The following ITGA2 variants were observed in gnomAD, a reference collection of about 807,000 sequenced individuals.
The protein encoded by ITGA2 is integrin subunit alpha 2, also known as integrin alpha-2.
In ITGA2, 101 loss-of-function variants were observed where a neutral mutation model predicts 146.3. That is an observed-to-expected ratio of 0.69 (90% CI 0.59 to 0.81). ITGA2 has a LOEUF of 0.81. Among genes scored for constraint, ITGA2 ranks in the 40% least tolerant of loss-of-function variants. The pLI, the probability that ITGA2 is intolerant of heterozygous loss-of-function variation, is 0.00. For synonymous variants in ITGA2, 477 were observed against 487.1 expected (o/e 0.98, Z 0.27); for missense variants, 1,281 against 1,402.7 (o/e 0.91, Z 1.39).
chr5:53,027,353 C>T (rs1215188673), intron 2 of ITGA2, among the ~76,000 whole-genome samples: 3 of 152,142 alleles, frequency 2.0e-5, no homozygotes, highest in Non-Finnish European at 4.4e-5. Flanking sequence ...GGTGAAGGGT[C>T]CTCACAAATA....
At chr5:53,069,438 A>G (rs1192534573) in intron 16 of ITGA2, among the ~76,000 whole-genome samples, 1 of 151,890 alleles carries the variant, frequency 6.6e-6, no homozygotes, top group Admixed American at 6.6e-5. Flanking sequence ...GCAGTGTTGC[A>G]TGCATTTCCC....
intron 1 of ITGA2, among the ~76,000 whole-genome samples, chr5:52,989,934 G>T (rs953141459): frequency 1.3e-5 from 2 of 152,092 alleles, no homozygotes; most frequent in African/African-American, 4.8e-5. Flanking sequence ...GCTCAGACAG[G>T]TGCCGCGCCT....
At chr5:53,000,893 TTTTG>T (rs1273114662) in intron 1 of ITGA2, among the ~76,000 whole-genome samples, 2 of 141,766 alleles carry the variant, frequency 1.4e-5, no homozygotes, top group East Asian at 2.1e-4. Context: ...TTCTTTTTCT[TTTTG>T]TTTTTTTTTT....
intron 3 of ITGA2, 121 bp from the exon 4 acceptor site, chr5:53,044,880 C>T (rs1035021574): frequency 2.8e-6 from 2 of 723,946 alleles, no homozygotes; most frequent in Non-Finnish European, 5.0e-6. Flanking sequence ...ACTCAAGTAC[C>T]TATATTGATG....
At chr5:53,009,515 A>G (rs939981815) in intron 1 of ITGA2, among the ~76,000 whole-genome samples, 1 of 152,292 alleles carries the variant, frequency 6.6e-6, no homozygotes, top group Admixed American at 6.5e-5. Context: ...GAACTTGGAT[A>G]TTTAGCTGAG....
chr5:53,064,943 G>A lies in ITGA2; in HGVS notation c.1634G>A (p.Gly545Asp). ...TTGGGTCAGCACCAATTTCTTGAAGGCCCCGAGGGCATTGAAAACACTCGA... is the reference window on the plus strand; with the variant it reads ...TTGGGTCAGCACCAATTTCTTGAAGACCCCGAGGGCATTGAAAACACTCGA... Reference protein sequence around the residue: ...GILGQHQFLEGPEGIENTRFG... With the variant: ...GILGQHQFLEDPEGIENTRFG... The change falls in exon 14 of 30, where the codon GGC becomes GAC. Residue 545 changes from glycine (G) to aspartate (D), a missense_variant. By Grantham distance (94) the Gly-to-Asp change is moderately conservative. Around this residue, in one of 3 missense-constraint regions of ITGA2, gnomAD observed 795 missense variants for 841.7 expected, o/e 0.94. Transcript: ENST00000296585. 2.5e-6 allele frequency: 4 copies of A among 1,612,736 alleles called. No individual in the cohort carries two copies. The South Asian group carries it at 4.4e-5, about 18-fold the overall frequency.
intron 1 of ITGA2, among the ~76,000 whole-genome samples, chr5:53,000,019 A>G (rs533601633): frequency 3.3e-5 from 5 of 151,794 alleles, no homozygotes; most frequent in African/African-American, 4.8e-5. Flanking sequence ...TTATACTCCT[A>G]CTAGTTAAAT....
intron 3 of ITGA2, among the ~76,000 whole-genome samples, chr5:53,044,398 A>T (rs1208061410): frequency 6.6e-6 from 1 of 151,566 alleles, no homozygotes; most frequent in African/African-American, 2.4e-5. Flanking sequence ...CTTGGCAGAG[A>T]TGAGAAACAT....
intron 27 of ITGA2, among the ~76,000 whole-genome samples, chr5:53,083,781 G>T (rs965777151): frequency 1.3e-5 from 2 of 152,126 alleles, no homozygotes; most frequent in Non-Finnish European, 2.9e-5. Context: ...CCCTCTAGGG[G>T]TTCCTCCACT....
intron 1 of ITGA2, among the ~76,000 whole-genome samples, chr5:53,025,602 G>T (rs26346): frequency 0.11 from 16,594 of 152,202 alleles, 1,160 homozygotes; most frequent in South Asian, 0.19. Context: ...ATGCAGAGGC[G>T]CAATGGAAGA....
At chr5:53,036,487 G>A (rs563599429) in intron 2 of ITGA2, among the ~76,000 whole-genome samples, 1 of 152,220 alleles carries the variant, frequency 6.6e-6, no homozygotes, top group East Asian at 1.9e-4. Context: ...TTTTGCATTT[G>A]CTGTTCCCGC....
chr5:53,043,551 A>G (rs1280080616), intron 3 of ITGA2, among the ~76,000 whole-genome samples: 1 of 152,198 alleles, frequency 6.6e-6, no homozygotes, highest in African/African-American at 2.4e-5. Flanking sequence ...ATAACAAAGA[A>G]TTTAGGAGTG....
At chr5:53,021,267 TA>T (rs1742668633) in intron 1 of ITGA2, among the ~76,000 whole-genome samples, 1 of 152,226 alleles carries the variant, frequency 6.6e-6, no homozygotes, top group African/African-American at 2.4e-5. Context: ...TAATGGTGGT[TA>T]TTAAGAACTA....
intron 1 of ITGA2, among the ~76,000 whole-genome samples, chr5:53,015,382 C>A (rs558456153): frequency 1.3e-5 from 2 of 152,008 alleles, no homozygotes; most frequent in Admixed American, 1.3e-4. Flanking sequence ...AGGATGTTTA[C>A]TTTAGATGCA....
chr5:53,078,696 C>G, intron 23 of ITGA2, 76 bp from the exon 24 acceptor site: 1 of 842,312 alleles, frequency 1.2e-6, no homozygotes, highest in Non-Finnish European at 2.0e-6. Context: ...CTATAAGATA[C>G]TTAAATAAAA....
intron 1 of ITGA2, among the ~76,000 whole-genome samples, chr5:53,000,634 A>G (rs1318227724): frequency 6.6e-6 from 1 of 152,054 alleles, no homozygotes; most frequent in African/African-American, 2.4e-5. Flanking sequence ...TTGAGTTCTT[A>G]ATGATGGTTA....
At chr5:53,006,375 A>T (rs1266732435) in intron 1 of ITGA2, among the ~76,000 whole-genome samples, 1 of 152,168 alleles carries the variant, frequency 6.6e-6, no homozygotes, top group Admixed American at 6.5e-5. Flanking sequence ...GTTCTGTCAA[A>T]TTCTAAATAG....
At chr5:52,991,026 T>C (rs1006089820) in intron 1 of ITGA2, among the ~76,000 whole-genome samples, 117 of 152,294 alleles carry the variant, frequency 7.7e-4, no homozygotes, top group Non-Finnish European at 4.4e-4. Flanking sequence ...AGGCTTGTTA[T>C]GTAAAGAGCA....
chr5:53,059,963 A>G lies in ITGA2; in HGVS notation c.1263A>G (p.Lys421=). 1 of 1,612,398 alleles carries G rather than the reference A, an allele frequency of 6.2e-7. No homozygotes were observed. The highest frequency in any genetic ancestry group is 8.5e-7 in the Non-Finnish European group (1 of 1,178,980). ...CTCATGGCCATTTGATCTTTCCTAA[A>G]CAAGCCTTTGACCAAATTCTGCAGG... ...KTSHGHLIFP[K]QAFDQILQDR... The change falls in exon 11 of 30, where the codon AAA becomes AAG. Residue 421 remains lysine (K), a synonymous_variant. Coordinates refer to ENST00000296585, the MANE Select transcript of ITGA2 (RefSeq NM_002203.4).
Sources: allele counts gnomAD v4.1 joint callset (sites outside exome capture counted in the v4.1 genomes callset), GRCh38; gene constraint gnomAD v4.1.1; regional missense constraint gnomAD v4.1.1; transcripts MANE v1.5; gene names NCBI Gene and HGNC (gene_info 2026-07-23, HGNC 2026-07-21).